DYNC1I1: variants seen among roughly 807,000 people sequenced by gnomAD.
The protein encoded by DYNC1I1 is dynein cytoplasmic 1 intermediate chain 1.
Under a neutral mutation model 86.6 loss-of-function variants are expected in DYNC1I1, and 43 were observed. The observed-to-expected ratio is 0.50, with a 90% confidence interval of 0.39 to 0.64. DYNC1I1 has a LOEUF of 0.64. Among genes scored for constraint, DYNC1I1 ranks in the 30% least tolerant of loss-of-function variants. The probability of loss-of-function intolerance (pLI) is 0.00; values close to 1 mark genes in which losing one functional copy is unlikely to be tolerated. For missense variants in DYNC1I1, 604 were observed against 788.8 expected, an observed-to-expected ratio of 0.77 and a Z score of 2.81; for synonymous variants, 262 against 283.7, an observed-to-expected ratio of 0.92 and a Z score of 0.77.
chr7:95,946,657 T>TA, intron 6 of DYNC1I1, among the ~76,000 whole-genome samples: 1 of 152,312 alleles, frequency 6.6e-6, no homozygotes, highest in East Asian at 1.9e-4. Flanking sequence ...TCCATACACT[T>TA]ACAGTTCATT....
intron 6 of DYNC1I1, among the ~76,000 whole-genome samples, chr7:95,872,422 C>CA (rs1429812794): frequency 1.3e-5 from 2 of 152,144 alleles, no homozygotes; most frequent in African/African-American, 4.8e-5. Flanking sequence ...CTAATGATCT[C>CA]AGAGCATTGA....
intron 6 of DYNC1I1, among the ~76,000 whole-genome samples, chr7:95,954,053 G>A (rs899151201): frequency 5.3e-5 from 8 of 152,108 alleles, no homozygotes; most frequent in Admixed American, 1.3e-4. Context: ...CCCTGTGAAC[G>A]CTGAAAGAAA....
At chr7:95,989,747 T>G (rs1457383836) in intron 9 of DYNC1I1, among the ~76,000 whole-genome samples, 1 of 152,154 alleles carries the variant, frequency 6.6e-6, no homozygotes, top group Non-Finnish European at 1.5e-5. Flanking sequence ...TTCCCCTATT[T>G]TTGTGTGACC....
chr7:96,087,563 T>C (rs1584312311), intron 16 of DYNC1I1, among the ~76,000 whole-genome samples: 1 of 152,220 alleles, frequency 6.6e-6, no homozygotes, highest in Non-Finnish European at 1.5e-5. Flanking sequence ...TTATTTTCTT[T>C]AGCTGATACC....
At chr7:95,876,057 C>T (rs1790301053) in intron 6 of DYNC1I1, among the ~76,000 whole-genome samples, 1 of 152,126 alleles carries the variant, frequency 6.6e-6, no homozygotes. Flanking sequence ...ATGCCAGTCA[C>T]CCCCAGGGAG....
intron 1 of DYNC1I1, among the ~76,000 whole-genome samples, chr7:95,773,847 A>T (rs1408328660): frequency 6.6e-6 from 1 of 152,216 alleles, no homozygotes; most frequent in African/African-American, 2.4e-5. Flanking sequence ...CAGTCTGTGT[A>T]CATACTTTAA....
rs998046311 is a variant in DYNC1I1 at position 96,065,653 on chromosome 7, G to A, written c.1510-10404G>A. Among the ~76,000 whole-genome samples the A allele has an allele frequency of 3.9e-5, 6 of 152,202 alleles. No homozygotes were observed. In the East Asian group the frequency reaches 5.8e-4, roughly 15 times the overall value. ...TTTGCCCGCCTTGGTCTCCCAAAGC[G>A]CTGAGATTACAGGCGTGAGCCACCG... is the stretch of plus-strand genomic sequence containing the variant. On this transcript the variant is annotated intron_variant, in intron 14 of 16. Transcript: ENST00000447467.
At chr7:95,828,712 T>C (rs920761855) in intron 5 of DYNC1I1, among the ~76,000 whole-genome samples, 2 of 152,140 alleles carry the variant, frequency 1.3e-5, no homozygotes, top group Non-Finnish European at 2.9e-5. Flanking sequence ...CTTTTTCAGA[T>C]GTAAATGTAT....
At chr7:95,873,551 C>T (rs1225282575) in intron 6 of DYNC1I1, among the ~76,000 whole-genome samples, 1 of 152,094 alleles carries the variant, frequency 6.6e-6, no homozygotes, top group Admixed American at 6.5e-5. Context: ...CTTAAGGTAG[C>T]GAGTACTTAT....
intron 10 of DYNC1I1, among the ~76,000 whole-genome samples, chr7:96,022,175 C>T (rs1794567170): frequency 6.6e-6 from 1 of 152,120 alleles, no homozygotes; most frequent in South Asian, 2.1e-4. Flanking sequence ...CACTTATTTC[C>T]ATTTTTAAAA....
chr7:95,794,911 T>C (rs1385269296), intron 1 of DYNC1I1, among the ~76,000 whole-genome samples: 1 of 152,208 alleles, frequency 6.6e-6, no homozygotes, highest in Non-Finnish European at 1.5e-5. Flanking sequence ...ATCAACATAA[T>C]GTTTCAACTG....
rs776720717 is a variant in DYNC1I1, at chr7:95,987,192, G to A, written c.843+37G>A. On this transcript the variant is annotated intron_variant, in intron 9 of 16. Transcript: ENST00000447467. ...TGCTGGGCTGGGACAAACTGGGCTT[G>A]TGTTCTCGTGGCATTTGTATAAAAA... 12 of 1,537,620 alleles carry A rather than the reference G, an allele frequency of 7.8e-6. No homozygotes were observed. In the South Asian group the frequency reaches 1.3e-4, roughly 16 times the overall value.
At chr7:96,108,733 G>A (rs2116357769) in intron 16 of DYNC1I1, among the ~76,000 whole-genome samples, 1 of 151,908 alleles carries the variant, frequency 6.6e-6, no homozygotes, top group African/African-American at 2.4e-5. Flanking sequence ...GTGGTGGTGG[G>A]TGCCTGCAAT....
intron 6 of DYNC1I1, among the ~76,000 whole-genome samples, chr7:95,932,613 A>G (rs1227600427): frequency 1.3e-5 from 2 of 152,206 alleles, no homozygotes; most frequent in African/African-American, 4.8e-5. Flanking sequence ...AAACCATTGA[A>G]TATGTCAAGC....
At chr7:95,876,552 A>G (rs1790313929) in intron 6 of DYNC1I1, among the ~76,000 whole-genome samples, 1 of 152,170 alleles carries the variant, frequency 6.6e-6, no homozygotes, top group African/African-American at 2.4e-5. Flanking sequence ...AAAATGCCCT[A>G]GGTACACTAG....
intron 1 of DYNC1I1, among the ~76,000 whole-genome samples, chr7:95,777,073 C>G (rs1370983706): frequency 6.6e-6 from 1 of 151,922 alleles, no homozygotes; most frequent in Non-Finnish European, 1.5e-5. Flanking sequence ...GTGTGGGACA[C>G]CAAAAAAAGT....
chr7:95,984,740 G>A, intron 7 of DYNC1I1, 75 bp from the exon 8 acceptor site: 4 of 1,427,918 alleles, frequency 2.8e-6, no homozygotes, highest in South Asian at 2.9e-5. Context: ...CAAGAATTGG[G>A]TTCCTCTTGA....
At chr7:95,903,810 T>C (rs903637597) in intron 6 of DYNC1I1, among the ~76,000 whole-genome samples, 4 of 152,102 alleles carry the variant, frequency 2.6e-5, no homozygotes, top group African/African-American at 2.4e-5. Context: ...CAACCAATAA[T>C]TAGTAGAAGC....
At chr7:95,997,332 G>C (rs1022945605) in intron 10 of DYNC1I1, among the ~76,000 whole-genome samples, 14 of 152,064 alleles carry the variant, frequency 9.2e-5, no homozygotes, top group African/African-American at 3.1e-4. Flanking sequence ...GGAAAATACT[G>C]TAAGGATTAA....
Sources: gnomAD v4.1 joint callset for allele counts (sites outside exome capture counted in the v4.1 genomes callset) on GRCh38, gnomAD v4.1.1 for gene constraint, MANE v1.5 for transcripts, NCBI Gene and HGNC (gene_info 2026-07-23, HGNC 2026-07-21) for gene names.